Variants in ABLIM1 observed in about 807,000 individuals in gnomAD.
The protein encoded by ABLIM1 is actin binding LIM protein 1, also known as actin-binding LIM protein 1.
In ABLIM1, 40 loss-of-function variants were observed where a neutral mutation model predicts 107.0. The observed-to-expected ratio is 0.37, with a 90% CI of 0.29 to 0.49. The LOEUF (loss-of-function observed/expected upper bound fraction) is 0.49, where lower values mean the gene tolerates loss of function less well. ABLIM1 is among the 20% of genes least tolerant of loss of function. The pLI, the probability that ABLIM1 is intolerant of heterozygous loss-of-function variation, is 0.97. For synonymous variants in ABLIM1, 357 were observed against 357.3 expected (o/e 1.00, Z 0.01); for missense variants, 857 against 1,008.5 (o/e 0.85, Z 2.04).
At position 114,589,215 on chromosome 10, in the gene ABLIM1, G is replaced by GT. The variant is rs763360967; in HGVS notation, c.379+12611dup. Reference sequence around the variant, plus strand: ...TGTGTGTGTCTGTGTGTGTGTGTGTGTGTTTTTTTTTTTTTTTAAGAGACA... The same window carrying GT: ...TGTGTGTGTCTGTGTGTGTGTGTGTGTTGTTTTTTTTTTTTTTTAAGAGACA... On this transcript the variant is annotated intron_variant, in intron 2 of 22. Coordinates refer to ENST00000533213, the MANE Select transcript of ABLIM1 (RefSeq NM_002313.7). 2.9e-3 allele frequency among the ~76,000 whole-genome samples: 413 copies of GT among 141,782 alleles called. 1 individual carries two copies. The highest frequency in any genetic ancestry group is 0.012 in the Middle Eastern group (3 of 256). The allele number at this position is 141,782 out of a possible 152,430, so 93.0% of individuals were successfully genotyped here. A position where few individuals can be genotyped will look rare whatever the true frequency, so the allele number is the denominator to read the frequency against.
At chr10:114,482,800 A>C (rs941374831) in intron 8 of ABLIM1, among the ~76,000 whole-genome samples, 1 of 152,198 alleles carries the variant, frequency 6.6e-6, no homozygotes, top group African/African-American at 2.4e-5. Context: ...AAGATGCTCC[A>C]AATCTCTTAA....
intron 1 of ABLIM1, among the ~76,000 whole-genome samples, chr10:114,755,703 A>C (rs2082615397): frequency 6.6e-6 from 1 of 152,162 alleles, no homozygotes. Context: ...TTCTGAAGGC[A>C]CTTTAGTCGT....
chr10:114,759,764 A>T (rs1360248860), intron 1 of ABLIM1, among the ~76,000 whole-genome samples: 1 of 152,188 alleles, frequency 6.6e-6, no homozygotes, highest in African/African-American at 2.4e-5. Flanking sequence ...GAATACACCG[A>T]CACCATAAGG....
intron 1 of ABLIM1, among the ~76,000 whole-genome samples, chr10:114,761,439 GCTC>G (rs2082744275): frequency 6.6e-6 from 1 of 152,096 alleles, no homozygotes; most frequent in Non-Finnish European, 1.5e-5. Flanking sequence ...CAGGCTCTCG[GCTC>G]AGTCTGCAAC....
At chr10:114,476,514 G>C (rs1161521522) in intron 8 of ABLIM1, among the ~76,000 whole-genome samples, 9 of 151,878 alleles carry the variant, frequency 5.9e-5, no homozygotes, top group Admixed American at 5.9e-4. Flanking sequence ...TGTGGTGGCA[G>C]GCACCTGTAA....
rs1355001599 is a variant in ABLIM1 at position 114,435,974 on chromosome 10, AAAC to A, written c.*283_*285del. On this transcript the variant is annotated 3_prime_UTR_variant, in exon 23 of 23. Transcript: ENST00000533213. ...CAGATAAAGGAAAAGAAAAAGAAGAAAACAACGCAGCTCCTGTTGTATACATAA... is the reference window on the plus strand; with the variant it reads ...CAGATAAAGGAAAAGAAAAAGAAGAAAACGCAGCTCCTGTTGTATACATAA... 3.4e-6 allele frequency: 1 copy of A among 292,110 alleles called. No individual in the cohort carries two copies. The highest frequency in any genetic ancestry group is 2.2e-5 in the African/African-American group (1 of 46,442). 18.1% of individuals were successfully genotyped at this position (292,110 alleles called of 1,614,324 possible).
chr10:114,539,268 G>C (rs565580282), intron 6 of ABLIM1, among the ~76,000 whole-genome samples: 2 of 152,134 alleles, frequency 1.3e-5, no homozygotes, highest in African/African-American at 4.8e-5. Flanking sequence ...TGAGACAGGC[G>C]AATCACTTGA....
intron 1 of ABLIM1, among the ~76,000 whole-genome samples, chr10:114,674,671 G>A (rs546213742): frequency 2.9e-4 from 44 of 151,790 alleles, no homozygotes; most frequent in Non-Finnish European, 4.4e-4. Flanking sequence ...ACAGAGTGAG[G>A]ACTCAAAAGA....
chr10:114,750,751 TTA>T (rs1476923643), intron 1 of ABLIM1, among the ~76,000 whole-genome samples: 2 of 152,362 alleles, frequency 1.3e-5, no homozygotes, highest in East Asian at 3.9e-4. Context: ...CATTAAAGTC[TTA>T]TTTTATAGAT....
chr10:114,531,357 A>G (rs535157413), intron 6 of ABLIM1, among the ~76,000 whole-genome samples: 41 of 152,330 alleles, frequency 2.7e-4, no homozygotes, highest in African/African-American at 9.1e-4. Flanking sequence ...CATTGCCCAC[A>G]TCGTAATAAT....
At chr10:114,659,649 G>T (rs2141228907), upstream of ABLIM1, among the ~76,000 whole-genome samples, 1 of 152,264 alleles carries the variant, frequency 6.6e-6, no homozygotes, top group African/African-American at 2.4e-5. Flanking sequence ...CAATGTGCAG[G>T]TACATATGCA....
chr10:114,448,934 T>C (rs569072420), intron 14 of ABLIM1, among the ~76,000 whole-genome samples: 2 of 152,196 alleles, frequency 1.3e-5, no homozygotes, highest in Non-Finnish European at 2.9e-5. Context: ...CTAATCCTTA[T>C]ATACTAAATA....
Position 114,634,129 on chromosome 10 carries a change from C to CTTTTTTTTTTTTTTTTTTTTTT in ABLIM1, c.244+23827_244+23828insAAAAAAAAAAAAAAAAAAAAAA, listed in dbSNP as rs745875295. Among the ~76,000 whole-genome samples, 16 of 68,288 alleles carry CTTTTTTTTTTTTTTTTTTTTTT rather than the reference C, an allele frequency of 2.3e-4. 2 individuals are homozygous for CTTTTTTTTTTTTTTTTTTTTTT. The highest frequency in any genetic ancestry group is 3.3e-4 in the Non-Finnish European group (13 of 39,484). 44.8% of individuals were successfully genotyped at this position (68,288 alleles called of 152,430 possible). A position where few individuals can be genotyped will look rare whatever the true frequency, so the allele number is the denominator to read the frequency against. On this transcript the variant is annotated intron_variant, in intron 1 of 22. Coordinates refer to ENST00000533213, the MANE Select transcript of ABLIM1 (RefSeq NM_002313.7). ...CGTAAATGCCATTAGCTCAATTTTT[C>CTTTTTTTTTTTTTTTTTTTTTT]TTTTTTTTTTTTTTTTTTTTTGAGA...
At chr10:114,749,450 C>CACACACA (rs1555232340) in intron 1 of ABLIM1, among the ~76,000 whole-genome samples, 21 of 141,600 alleles carry the variant, frequency 1.5e-4, no homozygotes, top group South Asian at 4.7e-4. Flanking sequence ...AACACACACA[C>CACACACA]CACACACACA....
intron 4 of ABLIM1, among the ~76,000 whole-genome samples, chr10:114,555,005 A>C (rs952481251): frequency 6.6e-6 from 1 of 152,130 alleles, no homozygotes; most frequent in Admixed American, 6.5e-5. Flanking sequence ...ATGTGTAATT[A>C]CCGAGCCGAA....
At chr10:114,773,868 T>C in the ABLIM1 span, among the ~76,000 whole-genome samples, 79 of 150,204 alleles carry the variant, frequency 5.3e-4, no homozygotes, top group African/African-American at 1.8e-3. Context: ...TATGTAAATA[T>C]ATAAATATAT....
chr10:114,463,800 T>TG (rs2064487870), intron 12 of ABLIM1, among the ~76,000 whole-genome samples: 1 of 152,120 alleles, frequency 6.6e-6, no homozygotes, highest in Admixed American at 6.5e-5. Context: ...CTAGAACTTG[T>TG]GGAGTGGACA....
At chr10:114,487,667 G>A (rs985793929) in intron 8 of ABLIM1, among the ~76,000 whole-genome samples, 14 of 152,282 alleles carry the variant, frequency 9.2e-5, no homozygotes, top group South Asian at 2.1e-4. Flanking sequence ...CTGATGAGTC[G>A]TTGTTTTCCC....
chr10:114,602,446 T>C lies in ABLIM1; in HGVS notation c.245-485A>G, dbSNP rs138303255. Among the ~76,000 whole-genome samples the C allele has an allele frequency of 2.0e-3, 301 of 152,348 alleles. 1 individual carries two copies. Among genetic ancestry groups the C allele is most frequent in the African/African-American group, 6.4e-3 (265 of 41,576 alleles). On this transcript the variant is annotated intron_variant, in intron 1 of 22. Coordinates refer to ENST00000533213, the MANE Select transcript of ABLIM1 (RefSeq NM_002313.7). ...CAGCTTCTTGGGACATAGCAGAATG[T>C]TCATGTAGCAAAGGTGCTCAGTAAA... is the stretch of plus-strand genomic sequence containing the variant.
Sources: allele counts gnomAD v4.1 joint callset (sites outside exome capture counted in the v4.1 genomes callset), GRCh38; gene constraint gnomAD v4.1.1; transcripts MANE v1.5; gene names NCBI Gene and HGNC (gene_info 2026-07-23, HGNC 2026-07-21).